MAPK6: variants seen among roughly 807,000 people sequenced by gnomAD.
MAPK6 encodes ERK-3.
In MAPK6, 19 loss-of-function variants were observed where a neutral mutation model predicts 59.3. That is an observed-to-expected ratio of 0.32 (90% CI 0.22 to 0.47). MAPK6 has a LOEUF of 0.47. Ranked by LOEUF, MAPK6 falls within the 20% of genes least tolerant of loss-of-function variation. The pLI, the probability that MAPK6 is intolerant of heterozygous loss-of-function variation, is 1.00. For missense variants in MAPK6, 724 were observed against 847.9 expected, an observed-to-expected ratio of 0.85 and a Z score of 1.81; for synonymous variants, 316 against 290.3, an observed-to-expected ratio of 1.09 and a Z score of -0.90.
intron 1 of MAPK6, among the ~76,000 whole-genome samples, chr15:52,041,602 G>C (rs1393845174): frequency 6.6e-6 from 1 of 152,216 alleles, no homozygotes; most frequent in Admixed American, 6.5e-5. Flanking sequence ...TGGTCCAACT[G>C]AGTTTTATAT....
Position 52,065,930 on chromosome 15 carries a change from A to G in MAPK6, c.*930A>G, listed in dbSNP as rs2032405698. The G allele has an allele frequency of 6.6e-6, 1 of 152,560 alleles. No individual in the cohort carries two copies. The allele number at this position is 152,560 out of a possible 1,614,324, so 9.5% of individuals were successfully genotyped here. A position where few individuals can be genotyped will look rare whatever the true frequency, so the allele number is the denominator to read the frequency against. ...TATCTACAAAGAAAAATTAATTAGG[A>G]ATTACTTTATTATAAAATGCTCCTA... On this transcript the variant is annotated 3_prime_UTR_variant, in exon 6 of 6. Coordinates refer to ENST00000261845, the MANE Select transcript of MAPK6 (RefSeq NM_002748.4).
intron 1 of MAPK6, among the ~76,000 whole-genome samples, chr15:51,978,748 G>A (rs892083211): frequency 1.3e-5 from 2 of 151,594 alleles, no homozygotes; most frequent in East Asian, 1.9e-4. Flanking sequence ...AAGGGATTGT[G>A]GACTAGAACT....
At chr15:52,029,987 A>T (rs1251291433) in intron 1 of MAPK6, among the ~76,000 whole-genome samples, 1 of 152,196 alleles carries the variant, frequency 6.6e-6, no homozygotes, top group African/African-American at 2.4e-5. Flanking sequence ...TAGTTATGAG[A>T]TTCAGAATCC....
At chr15:52,041,600 C>CT (rs1314214324) in intron 1 of MAPK6, among the ~76,000 whole-genome samples, 2 of 152,164 alleles carry the variant, frequency 1.3e-5, no homozygotes, top group Admixed American at 1.3e-4. Context: ...GCTGGTCCAA[C>CT]TGAGTTTTAT....
At chr15:52,026,334 C>G (rs981921326) in intron 1 of MAPK6, among the ~76,000 whole-genome samples, 5 of 152,102 alleles carry the variant, frequency 3.3e-5, no homozygotes, top group Admixed American at 6.5e-5. Context: ...TCTTATTGTT[C>G]AGGTTGGAGT....
At chr15:52,012,295 A>G (rs1355967194) in intron 3 of MAPK6, among the ~76,000 whole-genome samples, 1 of 152,148 alleles carries the variant, frequency 6.6e-6, no homozygotes, top group African/African-American at 2.4e-5. Flanking sequence ...CTAATTTGCT[A>G]TGTGTGGTAG....
At position 52,065,826 on chromosome 15, in the gene MAPK6, G is replaced by T. The variant is rs568907820; in HGVS notation, c.*826G>T. The T allele has an allele frequency of 2.6e-5, 4 of 152,476 alleles. No homozygotes were observed. The highest frequency in any genetic ancestry group is 6.5e-5 in the Admixed American group (1 of 15,272). 9.4% of individuals were successfully genotyped at this position (152,476 alleles called of 1,614,324 possible). A position where few individuals can be genotyped will look rare whatever the true frequency, so the allele number is the denominator to read the frequency against. ...GTCAGCTTATCCTAAGGCTGTCCAC[G>T]TACTTAATTTACTTAAGTGTTCATT... On this transcript the variant is annotated 3_prime_UTR_variant, in exon 6 of 6. Coordinates refer to ENST00000261845, the MANE Select transcript of MAPK6 (RefSeq NM_002748.4).
In MAPK6 at chr15:51,977,047, A is replaced by G. The variant is rs533970291; in HGVS notation, c.-880+5141A>G. On this transcript the variant is annotated intron_variant, in intron 1 of 7. Coordinates refer to the MAPK6 transcript ENST00000691380. ...GGGATGGAGTCTCTCTCTGTTGCCCAGGCTGGAGTGCAGTGGTACGATCTT... is the reference window on the plus strand; with the variant it reads ...GGGATGGAGTCTCTCTCTGTTGCCCGGGCTGGAGTGCAGTGGTACGATCTT... Among the ~76,000 whole-genome samples, 38 of 151,720 alleles carry G rather than the reference A, an allele frequency of 2.5e-4. No individual in the cohort carries two copies. In the East Asian group the frequency reaches 7.0e-3, roughly 28 times the overall value.
chr15:52,016,126 C>T (rs1323463122), upstream of MAPK6, among the ~76,000 whole-genome samples: 1 of 136,544 alleles, frequency 7.3e-6, no homozygotes, highest in Non-Finnish European at 1.6e-5. Context: ...ACTGGCCGGG[C>T]ATGGTGGCTC....
intron 1 of MAPK6, among the ~76,000 whole-genome samples, chr15:52,033,333 G>T (rs1206999984): frequency 6.6e-6 from 1 of 152,272 alleles, no homozygotes; most frequent in African/African-American, 2.4e-5. Flanking sequence ...CCTCATCAGT[G>T]TGGGTGGGCA....
intron 1 of MAPK6, among the ~76,000 whole-genome samples, chr15:52,032,812 G>C (rs2031091404): frequency 6.6e-6 from 1 of 152,004 alleles, no homozygotes; most frequent in East Asian, 1.9e-4. Context: ...AACCTCCCTA[G>C]CAGCTGGGAT....
Position 52,064,754 on chromosome 15 carries a change from A to C in MAPK6, c.1920A>C (p.Glu640Asp), listed in dbSNP as rs1260126798. The C allele has an allele frequency of 6.2e-7, 1 of 1,611,818 alleles. No homozygotes were observed. The highest frequency in any genetic ancestry group is 1.7e-5 in the Admixed American group (1 of 60,006). ...TCTTTAGCAGGAAAGAAGATACTGAAATGCTAGAAACTGAGCCAGTAGAGG... is the reference window on the plus strand; with the variant it reads ...TCTTTAGCAGGAAAGAAGATACTGACATGCTAGAAACTGAGCCAGTAGAGG... Reference protein sequence around the residue: ...DKFFSRKEDTEMLETEPVEDG... With the variant: ...DKFFSRKEDTDMLETEPVEDG... Residue 640 changes from glutamate (E) to aspartate (D), a missense_variant, in exon 6 of 6, where the codon GAA (glutamate) becomes GAC (aspartate). This residue lies in a region of MAPK6 where 502 missense variants were observed against 507.6 expected (regional missense o/e 0.99). Transcript: ENST00000261845.
chr15:52,051,491 C>T (rs543100973), intron 3 of MAPK6, among the ~76,000 whole-genome samples: 38 of 152,298 alleles, frequency 2.5e-4, no homozygotes, highest in Admixed American at 8.5e-4. Flanking sequence ...GAAAGGACAG[C>T]GTGCATAAAT....
intron 1 of MAPK6, chr15:52,021,525 C>T (rs1450021600): frequency 1.3e-5 from 2 of 152,038 alleles, no homozygotes; most frequent in African/African-American, 4.8e-5. Flanking sequence ...ATATCATATA[C>T]CCTACAGGTG....
intron 3 of MAPK6, among the ~76,000 whole-genome samples, chr15:52,053,306 C>T (rs761625113): frequency 1.4e-4 from 22 of 152,068 alleles, no homozygotes; most frequent in Admixed American, 3.9e-4. Flanking sequence ...GAACTCCTAA[C>T]CTGAAGTGAT....
intron 2 of MAPK6, among the ~76,000 whole-genome samples, chr15:52,003,379 A>C (rs747365704): frequency 1.2e-4 from 19 of 152,154 alleles, no homozygotes; most frequent in Non-Finnish European, 2.2e-4. Context: ...ACAGAGCCAA[A>C]CCATATCACC....
At chr15:52,023,213 C>A (rs2030614384) in intron 1 of MAPK6, among the ~76,000 whole-genome samples, 1 of 151,784 alleles carries the variant, frequency 6.6e-6, no homozygotes, top group Non-Finnish European at 1.5e-5. Flanking sequence ...GCCTTCTTAC[C>A]ACTGCTATCC....
chr15:52,049,966 AAAG>A, intron 2 of MAPK6, 24 bp from the exon 3 acceptor site: 1 of 1,597,896 alleles, frequency 6.3e-7, no homozygotes, highest in Non-Finnish European at 8.6e-7. Flanking sequence ...TAAAGTAAAA[AAAG>A]TATGTTTTTT....
chr15:52,057,782 G>A (rs2032039969), intron 3 of MAPK6, among the ~76,000 whole-genome samples: 1 of 152,088 alleles, frequency 6.6e-6, no homozygotes, highest in Non-Finnish European at 1.5e-5. Flanking sequence ...CTTTAAAAAA[G>A]TATTAACAAC....
Sources: gnomAD v4.1 joint callset for allele counts (sites outside exome capture counted in the v4.1 genomes callset) on GRCh38, gnomAD v4.1.1 for gene constraint, gnomAD v4.1.1 regional missense constraint, MANE v1.5 for transcripts, NCBI Gene and HGNC (gene_info 2026-07-23, HGNC 2026-07-21) for gene names.